The following VTI1A variants were observed in gnomAD, a reference collection of about 807,000 sequenced individuals.
The protein encoded by VTI1A is vesicle transport through interaction with t-SNAREs 1A.
In VTI1A, 22 loss-of-function variants were observed where a neutral mutation model predicts 34.9. The observed-to-expected ratio is 0.63, with a 90% CI of 0.45 to 0.90. The LOEUF is 0.90. Ranked by LOEUF, VTI1A falls within the 40% of genes least tolerant of loss-of-function variation. VTI1A has a pLI of 0.00. For missense variants in VTI1A, 268 were observed against 275.6 expected (o/e 0.97, Z 0.20); for synonymous variants, 87 against 97.3 (o/e 0.89, Z 0.62).
intron 7 of VTI1A, among the ~76,000 whole-genome samples, chr10:112,679,495 T>A (rs1284433677): frequency 6.8e-6 from 1 of 147,288 alleles, no homozygotes; most frequent in African/African-American, 2.5e-5. Flanking sequence ...GGTGTCACGA[T>A]TTTTTTTTTT....
chr10:112,548,468 C>T (rs1321591332), intron 5 of VTI1A, among the ~76,000 whole-genome samples: 1 of 152,184 alleles, frequency 6.6e-6, no homozygotes, highest in Middle Eastern at 3.2e-3. Flanking sequence ...TCCTTTCCTT[C>T]TGAAGGTTTT....
rs544050619 is a variant in VTI1A at position 112,772,621 on chromosome 10, A to T, written c.561-42669A>T. On this transcript the variant is annotated intron_variant, in intron 7 of 7. Transcript: ENST00000393077. ...CTAAGAGTCTATTGTTAAAACCCAC[A>T]CCACAAGGACTTATTTATCTGTTAT... Among the ~76,000 whole-genome samples the T allele has an allele frequency of 2.6e-5, 4 of 152,318 alleles. 1 individual carries two copies. In the South Asian group the frequency reaches 8.3e-4, roughly 32 times the overall value.
chr10:112,477,280 C>T (rs1364368019), intron 3 of VTI1A, among the ~76,000 whole-genome samples: 2 of 152,166 alleles, frequency 1.3e-5, no homozygotes, highest in African/African-American at 2.4e-5. Context: ...TTAAGAAGTT[C>T]ATCAGATCAT....
intron 3 of VTI1A, among the ~76,000 whole-genome samples, chr10:112,493,207 A>G (rs1385182411): frequency 6.6e-6 from 1 of 152,088 alleles, no homozygotes; most frequent in South Asian, 2.1e-4. Flanking sequence ...TTATTTCTAA[A>G]TATTTTCTCT....
At chr10:112,588,034 A>G (rs1844227402) in intron 5 of VTI1A, among the ~76,000 whole-genome samples, 2 of 152,194 alleles carry the variant, frequency 1.3e-5, no homozygotes, top group Admixed American at 1.3e-4. Context: ...CATAAAGGAA[A>G]AATGAAGTGG....
chr10:112,707,682 AT>A (rs1418158519), intron 7 of VTI1A, among the ~76,000 whole-genome samples: 2 of 152,100 alleles, frequency 1.3e-5, no homozygotes, highest in Non-Finnish European at 2.9e-5. Context: ...TTTTATGTAT[AT>A]TTTACATACA....
chr10:112,761,233 A>G (rs1851453717), intron 7 of VTI1A, among the ~76,000 whole-genome samples: 1 of 152,166 alleles, frequency 6.6e-6, no homozygotes, highest in Non-Finnish European at 1.5e-5. Context: ...TGTTTGCTGA[A>G]GTGATCACCC....
Position 112,565,295 on chromosome 10 carries a change from T to A in VTI1A, c.427+26965T>A, listed in dbSNP as rs564579745. 5.9e-5 allele frequency among the ~76,000 whole-genome samples: 9 copies of A among 152,266 alleles called. No individual in the cohort carries two copies. The East Asian group carries it at 1.7e-3, about 29-fold the overall frequency. On this transcript the variant is annotated intron_variant, in intron 5 of 7. Transcript: ENST00000393077. ...AGAGATTACCAACCACAATGTCATA[T>A]GTTAACCTGACAGTAACAAATATTG...
the VTI1A span, chr10:112,831,552 C>T: frequency 4.6e-5 from 7 of 152,328 alleles, no homozygotes; most frequent in Non-Finnish European, 1.0e-4. Context: ...CAAGGCTAGT[C>T]TTGTTTGGAT....
chr10:112,629,968 T>A (rs2120930), intron 5 of VTI1A, among the ~76,000 whole-genome samples: 1 of 151,926 alleles, frequency 6.6e-6, no homozygotes, highest in African/African-American at 2.4e-5. Flanking sequence ...AAAAAAAATA[T>A]GGTTTTATAG....
chr10:112,512,239 C>G lies in VTI1A; in HGVS notation c.265-14848C>G, dbSNP rs558098649. ...ATCTGTTACCTTTCATTCATAATAG[C>G]CATTCTGACTAGGGTAAGAGAATAT... On this transcript the variant is annotated intron_variant, in intron 3 of 7. Coordinates refer to ENST00000393077, the MANE Select transcript of VTI1A (RefSeq NM_145206.4). Among the ~76,000 whole-genome samples, 185 of 152,244 alleles carry G rather than the reference C, an allele frequency of 1.2e-3. 2 individuals are homozygous for G. Among genetic ancestry groups the G allele is most frequent in the Admixed American group, 8.7e-3 (133 of 15,292 alleles).
intron 7 of VTI1A, among the ~76,000 whole-genome samples, chr10:112,760,374 G>C (rs1851422731): frequency 1.4e-5 from 2 of 144,180 alleles, no homozygotes; most frequent in South Asian, 4.3e-4. Flanking sequence ...CGGTGAATAT[G>C]GTCTCTCTCT....
At chr10:112,708,277 G>C (rs1222394331) in intron 7 of VTI1A, among the ~76,000 whole-genome samples, 1 of 152,180 alleles carries the variant, frequency 6.6e-6, no homozygotes, top group Non-Finnish European at 1.5e-5. Flanking sequence ...TGAAATGTTT[G>C]CATTTTGAAA....
chr10:112,692,242 G>A (rs747996747), intron 7 of VTI1A, among the ~76,000 whole-genome samples: 30 of 152,192 alleles, frequency 2.0e-4, no homozygotes, highest in Non-Finnish European at 1.6e-4. Context: ...AATTACAGAC[G>A]GTATAACAGT....
At position 112,607,911 on chromosome 10, in the gene VTI1A, G is replaced by A. The variant is rs144445986; in HGVS notation, c.428-60307G>A. Among the ~76,000 whole-genome samples the A allele has an allele frequency of 6.6e-5, 10 of 152,318 alleles. No individual in the cohort carries two copies. The East Asian group carries it at 1.7e-3, about 26-fold the overall frequency. On this transcript the variant is annotated intron_variant, in intron 5 of 7. Transcript: ENST00000393077. ...GTGTTCTCACAACATGGCAGCTGACGTCTCTAAGAGAGAGTGTAGGTGAGA... is the reference window on the plus strand; with the variant it reads ...GTGTTCTCACAACATGGCAGCTGACATCTCTAAGAGAGAGTGTAGGTGAGA...
intron 7 of VTI1A, among the ~76,000 whole-genome samples, chr10:112,812,744 G>T (rs1853361866): frequency 6.6e-6 from 1 of 152,096 alleles, no homozygotes; most frequent in Non-Finnish European, 1.5e-5. Flanking sequence ...GCCAGCATTT[G>T]GTTTGAAAGC....
intron 5 of VTI1A, among the ~76,000 whole-genome samples, chr10:112,579,372 T>G (rs923056309): frequency 3.3e-5 from 5 of 152,140 alleles, no homozygotes; most frequent in Non-Finnish European, 7.3e-5. Flanking sequence ...AGTGTCATAA[T>G]TTAGTTGACA....
At chr10:112,850,856 G>A in the VTI1A span, among the ~76,000 whole-genome samples, 3 of 152,114 alleles carry the variant, frequency 2.0e-5, no homozygotes, top group Non-Finnish European at 1.5e-5. Flanking sequence ...CCATGAAGCC[G>A]ACCCTGATTT....
chr10:112,835,187 A>T, the VTI1A span, among the ~76,000 whole-genome samples: 1 of 152,116 alleles, frequency 6.6e-6, no homozygotes, highest in South Asian at 2.1e-4. Context: ...TCTCTCATGG[A>T]TGGCAGCCAC....
Sources: allele counts gnomAD v4.1 joint callset (sites outside exome capture counted in the v4.1 genomes callset), GRCh38; gene constraint gnomAD v4.1.1; transcripts MANE v1.5; gene names NCBI Gene and HGNC (gene_info 2026-07-23, HGNC 2026-07-21).